KCNIP4: variants seen among roughly 807,000 people sequenced by gnomAD.
KCNIP4 encodes potassium voltage-gated channel interacting protein 4, also known as Kv channel-interacting protein 4.
A neutral mutation model predicts 34.0 loss-of-function variants in KCNIP4; 12 were observed. The ratio of observed to expected loss-of-function variants is 0.35; its 90% CI spans 0.23 to 0.57. KCNIP4 has a LOEUF of 0.57. Ranked by LOEUF, KCNIP4 falls within the 20% of genes least tolerant of loss-of-function variation. The pLI, the probability that KCNIP4 is intolerant of heterozygous loss-of-function variation, is 0.83. For missense variants in KCNIP4, 238 were observed against 311.7 expected (o/e 0.76, Z 1.78); for synonymous variants, 124 against 102.2 (o/e 1.21, Z -1.29).
At chr4:20,811,190 T>C (rs932708488) in intron 3 of KCNIP4, among the ~76,000 whole-genome samples, 2 of 152,206 alleles carry the variant, frequency 1.3e-5, no homozygotes, top group African/African-American at 4.8e-5. Flanking sequence ...CTGTCTCATT[T>C]CCATAGGGAA....
At chr4:20,850,273 T>C (rs548686169) in intron 3 of KCNIP4, 6 of 255,688 alleles carry the variant, frequency 2.3e-5, no homozygotes, top group African/African-American at 1.1e-4. Context: ...TTATAGTTGA[T>C]GAAGAGAAAA....
intron 1 of KCNIP4, among the ~76,000 whole-genome samples, chr4:21,197,566 T>G (rs976212943): frequency 6.6e-6 from 1 of 152,154 alleles, no homozygotes; most frequent in Non-Finnish European, 1.5e-5. Context: ...ACATTGATTC[T>G]AGTTCTGTTA....
chr4:20,816,466 C>A (rs1716401249), intron 3 of KCNIP4, among the ~76,000 whole-genome samples: 1 of 152,108 alleles, frequency 6.6e-6, no homozygotes, highest in South Asian at 2.1e-4. Context: ...GCGGGCAAGA[C>A]AAAAGACCTC....
chr4:20,763,988 A>G, intron 3 of KCNIP4, among the ~76,000 whole-genome samples: 1 of 152,226 alleles, frequency 6.6e-6, no homozygotes, highest in African/African-American at 2.4e-5. Context: ...TTGAGCATGA[A>G]TTTTTTCATT....
chr4:20,840,771 C>T (rs889352395), intron 3 of KCNIP4, among the ~76,000 whole-genome samples: 1 of 152,154 alleles, frequency 6.6e-6, no homozygotes, highest in Admixed American at 6.6e-5. Flanking sequence ...CTGTGTGTTA[C>T]AGCATTGATC....
intron 1 of KCNIP4, among the ~76,000 whole-genome samples, chr4:21,519,366 AC>A (rs1735072072): frequency 6.7e-6 from 1 of 150,266 alleles, no homozygotes; most frequent in Non-Finnish European, 1.5e-5. Context: ...ACACACACAC[AC>A]ACACACGTAT....
intron 1 of KCNIP4, among the ~76,000 whole-genome samples, chr4:21,190,873 G>C (rs1321279408): frequency 6.6e-6 from 1 of 152,078 alleles, no homozygotes; most frequent in Non-Finnish European, 1.5e-5. Context: ...TTTTATTTCT[G>C]AGTTTCAAAG....
intron 1 of KCNIP4, among the ~76,000 whole-genome samples, chr4:21,765,404 G>A (rs987967269): frequency 2.0e-5 from 3 of 152,094 alleles, no homozygotes; most frequent in East Asian, 1.9e-4. Flanking sequence ...GTGTGTGAGC[G>A]TGTGTAACTG....
intron 1 of KCNIP4, among the ~76,000 whole-genome samples, chr4:21,383,813 C>T (rs1721759531): frequency 6.6e-6 from 1 of 152,178 alleles, no homozygotes; most frequent in African/African-American, 2.4e-5. Flanking sequence ...CATCTAGTCA[C>T]TGTCCTTAAG....
intron 1 of KCNIP4, among the ~76,000 whole-genome samples, chr4:21,551,693 A>G (rs536753100): frequency 6.6e-6 from 1 of 152,106 alleles, no homozygotes; most frequent in African/African-American, 2.4e-5. Context: ...AGGATTAAAT[A>G]GCACATGTGA....
At chr4:21,897,817 G>A (rs1351326355) in intron 1 of KCNIP4, among the ~76,000 whole-genome samples, 1 of 152,126 alleles carries the variant, frequency 6.6e-6, no homozygotes, top group African/African-American at 2.4e-5. Flanking sequence ...GTAGGCATTC[G>A]CAGCACCTGG....
chr4:21,937,151 G>C (rs894823421), intron 1 of KCNIP4, among the ~76,000 whole-genome samples: 3 of 152,038 alleles, frequency 2.0e-5, no homozygotes, highest in African/African-American at 7.2e-5. Flanking sequence ...CTCTGAAATG[G>C]ATTAAATTTG....
At chr4:21,843,842 A>G (rs1451533702) in intron 1 of KCNIP4, 1 of 152,136 alleles carries the variant, frequency 6.6e-6, no homozygotes, top group Non-Finnish European at 1.5e-5. Context: ...ACTCCTCAGT[A>G]AGTTTTATAT....
intron 3 of KCNIP4, among the ~76,000 whole-genome samples, chr4:20,825,225 GT>G (rs71181592): frequency 3.5e-3 from 401 of 113,562 alleles, no homozygotes; most frequent in African/African-American, 8.0e-3. Context: ...TCAATTTTAC[GT>G]TTTTTTTTTT....
At chr4:21,519,052 C>T (rs542924541) in intron 1 of KCNIP4, among the ~76,000 whole-genome samples, 1 of 152,144 alleles carries the variant, frequency 6.6e-6, no homozygotes, top group South Asian at 2.1e-4. Context: ...GTAATTTTCC[C>T]ACGGTCACGG....
intron 1 of KCNIP4, among the ~76,000 whole-genome samples, chr4:21,304,191 CAG>C (rs1415876987): frequency 6.6e-6 from 1 of 151,606 alleles, no homozygotes; most frequent in Non-Finnish European, 1.5e-5. Context: ...GCGTGAGTGA[CAG>C]AAAATGCATT....
At chr4:21,665,441 T>G (rs1245219486) in intron 1 of KCNIP4, among the ~76,000 whole-genome samples, 3 of 151,942 alleles carry the variant, frequency 2.0e-5, no homozygotes, top group African/African-American at 7.3e-5. Flanking sequence ...CTTTAAAAAG[T>G]AATTGCCAAC....
rs201279286 is a variant in KCNIP4, at chr4:21,200,282, ATGTG to A, written c.62-317577_62-317574del. 1.3e-3 allele frequency among the ~76,000 whole-genome samples: 183 copies of A among 141,326 alleles called. 3 individuals carry two copies. Among genetic ancestry groups the A allele is most frequent in the African/African-American group, 4.2e-3 (158 of 37,536 alleles). The allele number at this position is 141,326 out of a possible 152,430, so 92.7% of individuals were successfully genotyped here. A position where few individuals can be genotyped will look rare whatever the true frequency, so the allele number is the denominator to read the frequency against. The stretch of plus-strand genomic sequence containing the variant: ...CTGATGAGTGGATAAAGAAAATGTG[ATGTG>A]TGTGTGTGTGTGTGTATATATATAC... On this transcript the variant is annotated intron_variant, in intron 1 of 8. Coordinates refer to ENST00000382152, the MANE Select transcript of KCNIP4 (RefSeq NM_025221.6).
chr4:21,517,435 CAG>C (rs1734856530), intron 1 of KCNIP4, among the ~76,000 whole-genome samples: 1 of 152,062 alleles, frequency 6.6e-6, no homozygotes, highest in African/African-American at 2.4e-5. Flanking sequence ...TAAAATTAAT[CAG>C]AAAGTTATAG....
Sources: gnomAD v4.1 joint callset for allele counts (sites outside exome capture counted in the v4.1 genomes callset) on GRCh38, gnomAD v4.1.1 for gene constraint, MANE v1.5 for transcripts, NCBI Gene and HGNC (gene_info 2026-07-23, HGNC 2026-07-21) for gene names.